The following VPS13B variants were observed in gnomAD, a reference collection of about 807,000 sequenced individuals.
VPS13B encodes vacuolar protein sorting 13 homolog B, also known as intermembrane lipid transfer protein VPS13B.
VPS13B carries 285 observed loss-of-function variants against 426.4 expected under a neutral mutation model. The observed-to-expected ratio is 0.67, with a 90% confidence interval of 0.61 to 0.74. VPS13B has a LOEUF of 0.74. Ranked by LOEUF, VPS13B falls within the 30% of genes least tolerant of loss-of-function variation. VPS13B has a pLI of 0.00. For missense variants in VPS13B, 4,537 were observed against 4,782.6 expected (o/e 0.95, Z 1.51); for synonymous variants, 1,676 against 1,676.4 (o/e 1.00, Z 0.01).
At chr8:99,227,969 T>G (rs912592564) in intron 17 of VPS13B, among the ~76,000 whole-genome samples, 8 of 152,170 alleles carry the variant, frequency 5.3e-5, no homozygotes, top group Non-Finnish European at 1.0e-4. Flanking sequence ...GTAGGCAATT[T>G]TAAGGGTGTG....
At position 99,853,983 on chromosome 8, in the gene VPS13B, C is replaced by G. The variant is rs1588786822; in HGVS notation, c.10594C>G (p.His3532Asp). ...CCTTCCTAACAGCAGGTTGGCTGGT[C>G]ACTCCACACACCTCTCCGGGGGTAA... ...TYLPNSRLAGHSTHLSGGKQV... is the reference protein window; with the variant it reads ...TYLPNSRLAGDSTHLSGGKQV... Residue 3532 changes from histidine (H) to aspartate (D), a missense_variant, in exon 56 of 62, where the codon CAC (histidine) becomes GAC (aspartate). Around this residue, in one of 2 missense-constraint regions of VPS13B, gnomAD observed 4,311 missense variants for 4,474.3 expected, o/e 0.96. Coordinates refer to ENST00000357162, the MANE Select transcript of VPS13B (RefSeq NM_152564.5). The G allele has an allele frequency of 1.2e-6, 2 of 1,614,194 alleles. No homozygotes were observed.
At chr8:99,390,760 T>G (rs1005248061) in intron 20 of VPS13B, among the ~76,000 whole-genome samples, 1 of 152,224 alleles carries the variant, frequency 6.6e-6, no homozygotes, top group Non-Finnish European at 1.5e-5. Flanking sequence ...TGATGATTGT[T>G]TTCCACCCAC....
chr8:99,056,398 C>T (rs1253821337), intron 3 of VPS13B, among the ~76,000 whole-genome samples: 1 of 152,192 alleles, frequency 6.6e-6, no homozygotes, highest in Admixed American at 6.5e-5. Flanking sequence ...TTGCCAGATT[C>T]GTTTGTTAGC....
chr8:99,029,821 G>T (rs191095088), intron 2 of VPS13B, among the ~76,000 whole-genome samples: 4 of 150,692 alleles, frequency 2.7e-5, no homozygotes, highest in African/African-American at 9.9e-5. Context: ...GAGAGGGAGA[G>T]GGAGAGGGAG....
intron 33 of VPS13B, among the ~76,000 whole-genome samples, chr8:99,586,216 G>T (rs1362132299): frequency 6.6e-6 from 1 of 152,172 alleles, no homozygotes; most frequent in African/African-American, 2.4e-5. Context: ...TCTTAAAACA[G>T]TATAGGTTCC....
intron 25 of VPS13B, among the ~76,000 whole-genome samples, chr8:99,484,541 A>AG (rs1268587916): frequency 6.6e-6 from 1 of 152,160 alleles, no homozygotes; most frequent in African/African-American, 2.4e-5. Context: ...TTTTTCATAA[A>AG]GGGCAGGAAG....
intron 39 of VPS13B, among the ~76,000 whole-genome samples, chr8:99,744,654 G>T (rs1411645392): frequency 2.0e-5 from 3 of 152,126 alleles, no homozygotes; most frequent in Non-Finnish European, 4.4e-5. Flanking sequence ...AAAATGATGA[G>T]TTCATGTCCT....
intron 8 of VPS13B, among the ~76,000 whole-genome samples, chr8:99,127,113 A>G (rs1371879236): frequency 1.3e-5 from 2 of 152,038 alleles, no homozygotes; most frequent in Non-Finnish European, 2.9e-5. Context: ...AGAAAAAAAA[A>G]AAAGAAAGAA....
chr8:99,716,879 A>T (rs1303290069), intron 36 of VPS13B, among the ~76,000 whole-genome samples: 1 of 152,194 alleles, frequency 6.6e-6, no homozygotes, highest in Non-Finnish European at 1.5e-5. Flanking sequence ...AGTTGCTTGA[A>T]AAACTTGCAC....
intron 4 of VPS13B, among the ~76,000 whole-genome samples, chr8:99,101,413 T>A (rs1359964015): frequency 1.3e-5 from 2 of 152,242 alleles, no homozygotes; most frequent in African/African-American, 4.8e-5. Context: ...ATTACAGGCG[T>A]GAGCCACCGT....
chr8:99,532,975 C>T (rs1417608837), intron 30 of VPS13B, among the ~76,000 whole-genome samples: 6 of 146,904 alleles, frequency 4.1e-5, no homozygotes, highest in East Asian at 2.0e-4. Context: ...AGTCTCACTC[C>T]GTCGGCCAGG....
At chr8:99,083,323 G>C (rs1159900302) in intron 3 of VPS13B, among the ~76,000 whole-genome samples, 13 of 152,178 alleles carry the variant, frequency 8.5e-5, no homozygotes, top group Admixed American at 8.5e-4. Context: ...CTGAGACTTT[G>C]CTGAAGTTGC....
At chr8:99,519,345 CT>C (rs926263823) in intron 29 of VPS13B, among the ~76,000 whole-genome samples, 19 of 152,194 alleles carry the variant, frequency 1.2e-4, no homozygotes, top group African/African-American at 4.8e-5. Context: ...CACTTTTACA[CT>C]GTTGGCGGGA....
Position 99,520,973 on chromosome 8 carries a change from C to G in VPS13B, c.4708C>G (p.Pro1570Ala), listed in dbSNP as rs1822354960. The G allele has an allele frequency of 1.2e-6, 2 of 1,613,702 alleles. No homozygotes were observed. Among genetic ancestry groups the G allele is most frequent in the Admixed American group, 3.3e-5 (2 of 59,998 alleles). ...TGCCATGGCTCCCCAGGCTGACAAT[C>G]CCCTTGGCAGATCTGTCCTTAGGAA... is the stretch of plus-strand genomic sequence containing the variant. ...SVAMAPQADN[P>A]LGRSVLRKDI... The change falls in exon 30 of 62, where the codon CCC becomes GCC. Residue 1570 changes from proline to alanine, a missense_variant. By Grantham distance (27) the Pro-to-Ala change is conservative. Around this residue, in one of 2 missense-constraint regions of VPS13B, gnomAD observed 4,311 missense variants for 4,474.3 expected, o/e 0.96. Coordinates refer to ENST00000357162, the MANE Select transcript of VPS13B (RefSeq NM_152564.5).
chr8:99,462,907 C>A (rs561791523), intron 23 of VPS13B, among the ~76,000 whole-genome samples: 1 of 152,164 alleles, frequency 6.6e-6, no homozygotes, highest in Non-Finnish European at 1.5e-5. Flanking sequence ...GGAACCAGAT[C>A]TGCCAGCACC....
chr8:99,421,856 T>C (rs1816394484), intron 21 of VPS13B, among the ~76,000 whole-genome samples: 2 of 151,944 alleles, frequency 1.3e-5, no homozygotes, highest in Admixed American at 6.6e-5. Flanking sequence ...TTTTGTAATA[T>C]TTTTTGGTAG....
intron 43 of VPS13B, among the ~76,000 whole-genome samples, chr8:99,789,170 C>G (rs377390071): frequency 6.6e-6 from 1 of 152,250 alleles, no homozygotes; most frequent in African/African-American, 2.4e-5. Flanking sequence ...TTTTGAGTAT[C>G]TGCCTATCTT....
At chr8:99,193,200 T>G in intron 17 of VPS13B, 143 bp downstream of exon 17, 1 of 879,548 alleles carries the variant, frequency 1.1e-6, no homozygotes, top group Non-Finnish European at 1.7e-6. Context: ...TAGCTTATGT[T>G]TAAAATCCAG....
At chr8:99,115,373 T>C (rs1327823476) in intron 6 of VPS13B, among the ~76,000 whole-genome samples, 1 of 152,112 alleles carries the variant, frequency 6.6e-6, no homozygotes, top group Admixed American at 6.5e-5. Flanking sequence ...CTTAATGTTA[T>C]AGAGTAGCTA....
Sources: allele counts gnomAD v4.1 joint callset (sites outside exome capture counted in the v4.1 genomes callset), GRCh38; gene constraint gnomAD v4.1.1; regional missense constraint gnomAD v4.1.1; transcripts MANE v1.5; gene names NCBI Gene and HGNC (gene_info 2026-07-23, HGNC 2026-07-21).